Variants in MCPH1 observed in about 807,000 individuals in gnomAD.
The protein encoded by MCPH1 is microcephalin 1.
MCPH1 carries 104 observed loss-of-function variants against 84.5 expected under a neutral mutation model. The observed-to-expected ratio is 1.23, with a 90% confidence interval of 1.05 to 1.45. The LOEUF is 1.45. Among genes scored for constraint, MCPH1 ranks in the 40% most tolerant of loss-of-function variants. The pLI is 0.00. For missense variants in MCPH1, 1,498 were observed against 1,005.7 expected (o/e 1.49, Z -6.62); for synonymous variants, 514 against 366.8 (o/e 1.40, Z -4.58).
intron 12 of MCPH1, among the ~76,000 whole-genome samples, chr8:6,589,395 C>G (rs536795864): frequency 5.9e-5 from 9 of 152,280 alleles, no homozygotes; most frequent in African/African-American, 2.2e-4. Flanking sequence ...AGGATATTGA[C>G]ATGAAAACAG....
chr8:6,639,399 C>T (rs991287417), intron 13 of MCPH1, among the ~76,000 whole-genome samples: 2 of 152,150 alleles, frequency 1.3e-5, no homozygotes, highest in East Asian at 3.8e-4. Context: ...CAGTGACTCA[C>T]ATGTATAATC....
At chr8:6,421,811 A>T (rs1429046252) in intron 3 of MCPH1, among the ~76,000 whole-genome samples, 1 of 151,870 alleles carries the variant, frequency 6.6e-6, no homozygotes. Flanking sequence ...CTTCCCTTCC[A>T]TTGTCAGCTG....
intron 12 of MCPH1, among the ~76,000 whole-genome samples, chr8:6,554,544 A>G (rs1180898294): frequency 6.6e-6 from 1 of 152,246 alleles, no homozygotes; most frequent in African/African-American, 2.4e-5. Context: ...ATATTTTTAC[A>G]TGACAGGTAA....
intron 8 of MCPH1, among the ~76,000 whole-genome samples, chr8:6,447,903 TTTTA>T (rs1242877215): frequency 3.1e-4 from 47 of 152,328 alleles, no homozygotes; most frequent in African/African-American, 1.1e-3. Context: ...TTTTTTACTT[TTTTA>T]TTCTCTTAAT....
chr8:6,496,880 A>T (rs897289755), intron 11 of MCPH1, among the ~76,000 whole-genome samples: 1 of 151,786 alleles, frequency 6.6e-6, no homozygotes, highest in Non-Finnish European at 1.5e-5. Context: ...TGCCTTCCCC[A>T]CCCCACCCCC....
chr8:6,634,700 T>C (rs987500013), intron 13 of MCPH1: 2 of 152,202 alleles, frequency 1.3e-5, no homozygotes, highest in Admixed American at 6.5e-5. Context: ...TGCAGAAAAG[T>C]TGGACCGGAT....
intron 9 of MCPH1, among the ~76,000 whole-genome samples, chr8:6,475,917 G>GTGTA (rs1466242048): frequency 6.6e-6 from 1 of 152,164 alleles, no homozygotes; most frequent in Middle Eastern, 3.2e-3. Context: ...GAAAGAGGAG[G>GTGTA]TGTATAAGGC....
intron 12 of MCPH1, among the ~76,000 whole-genome samples, chr8:6,540,980 G>T (rs1202753608): frequency 6.6e-6 from 1 of 152,242 alleles, no homozygotes; most frequent in East Asian, 1.9e-4. Context: ...GGGGCAGGTG[G>T]AGCCTAGTGG....
chr8:6,519,640 C>G (rs917555658), intron 12 of MCPH1, among the ~76,000 whole-genome samples: 1 of 152,202 alleles, frequency 6.6e-6, no homozygotes, highest in African/African-American at 2.4e-5. Context: ...ATAAGATAGA[C>G]ATTTCTACAT....
intron 12 of MCPH1, chr8:6,527,553 A>G: frequency 6.2e-7 from 1 of 1,613,256 alleles, no homozygotes; most frequent in Non-Finnish European, 8.5e-7. Flanking sequence ...TACTGTTATT[A>G]CCTGTTCTTA....
chr8:6,475,780 G>C (rs1008933388), intron 9 of MCPH1, among the ~76,000 whole-genome samples: 1 of 152,130 alleles, frequency 6.6e-6, no homozygotes, highest in Non-Finnish European at 1.5e-5. Context: ...GTTTAAAACA[G>C]GCAGCCATGA....
At chr8:6,547,902 T>TA (rs1209815159) in intron 12 of MCPH1, among the ~76,000 whole-genome samples, 6 of 150,332 alleles carry the variant, frequency 4.0e-5, no homozygotes, top group African/African-American at 1.2e-4. Flanking sequence ...TTTTTTTTTT[T>TA]AACCAAAACT....
intron 3 of MCPH1, among the ~76,000 whole-genome samples, chr8:6,417,208 T>C (rs1222149515): frequency 6.6e-6 from 1 of 152,256 alleles, no homozygotes; most frequent in African/African-American, 2.4e-5. Context: ...CTCCTCATTT[T>C]TTCTGATTAG....
intron 5 of MCPH1, among the ~76,000 whole-genome samples, chr8:6,437,707 C>T (rs971262078): frequency 6.6e-6 from 1 of 152,190 alleles, no homozygotes; most frequent in South Asian, 2.1e-4. Context: ...GTCTCGTCTT[C>T]GTCAAAGCTC....
intron 12 of MCPH1, among the ~76,000 whole-genome samples, chr8:6,542,423 T>C (rs1161456703): frequency 1.3e-5 from 2 of 151,942 alleles, no homozygotes; most frequent in East Asian, 3.9e-4. Context: ...TTCCAAAGCT[T>C]GGTGGGCAAT....
At chr8:6,597,248 C>G (rs1457326250) in intron 12 of MCPH1, among the ~76,000 whole-genome samples, 1 of 152,194 alleles carries the variant, frequency 6.6e-6, no homozygotes, top group South Asian at 2.1e-4. Flanking sequence ...ACCATGGACG[C>G]CGTCTTTACC....
chr8:6,432,487 T>A (rs975876809), intron 4 of MCPH1, among the ~76,000 whole-genome samples: 1 of 152,234 alleles, frequency 6.6e-6, no homozygotes, highest in Non-Finnish European at 1.5e-5. Context: ...GAGATAGAAT[T>A]CACATTTTAA....
intron 9 of MCPH1, among the ~76,000 whole-genome samples, chr8:6,472,029 A>G (rs1177975882): frequency 3.9e-5 from 6 of 152,238 alleles, no homozygotes; most frequent in Non-Finnish European, 7.3e-5. Context: ...TGTGCAAAAC[A>G]GAGTCAACCC....
At chr8:6,409,246 A>G (rs1326162864) in intron 1 of MCPH1, 33 bp from the exon 2 acceptor site, 1 of 1,548,728 alleles carries the variant, frequency 6.5e-7, no homozygotes, top group Non-Finnish European at 8.9e-7. Flanking sequence ...TGGAATTTCA[A>G]ATGTATGTTT....
Sources: allele counts gnomAD v4.1 joint callset (sites outside exome capture counted in the v4.1 genomes callset), GRCh38; gene constraint gnomAD v4.1.1; transcripts MANE v1.5; gene names NCBI Gene and HGNC (gene_info 2026-07-23, HGNC 2026-07-21).